UMAD1: variants seen among roughly 807,000 people sequenced by gnomAD.
UMAD1 encodes the protein UBAP1-MVB12-associated (UMA) domain containing 1, also known as UBAP1-MVB12-associated (UMA)-domain containing protein 1.
In UMAD1, 8 loss-of-function variants were observed where a neutral mutation model predicts 6.1. The observed-to-expected ratio is 1.30, with a 90% CI of 0.76 to 2.35. The LOEUF is 2.35. Among genes scored for constraint, UMAD1 ranks in the 30% most tolerant of loss-of-function variants. The pLI, the probability that UMAD1 is intolerant of heterozygous loss-of-function variation, is 0.00. For missense variants in UMAD1, 130 were observed against 78.4 expected, an observed-to-expected ratio of 1.66 and a Z score of -2.49; for synonymous variants, 56 against 31.4, an observed-to-expected ratio of 1.78 and a Z score of -2.61.
In UMAD1 at chr7:7,680,308, A is replaced by G. The variant is rs79250104; in HGVS notation, c.82+6855A>G. On this transcript the variant is annotated intron_variant, in intron 2 of 3. Transcript: ENST00000682710. ...ACTGATTCAAGACTTCCTTTTCCCA[A>G]TGTATATCCTTGGCACCCTTGTTGA... 3.1e-3 allele frequency among the ~76,000 whole-genome samples: 470 copies of G among 152,152 alleles called. 5 individuals are homozygous for G. Among genetic ancestry groups the G allele is most frequent in the African/African-American group, 0.011 (447 of 41,514 alleles).
At chr7:7,710,379 AC>A (rs1458977136) in intron 2 of UMAD1, among the ~76,000 whole-genome samples, 1 of 152,212 alleles carries the variant, frequency 6.6e-6, no homozygotes, top group African/African-American at 2.4e-5. Context: ...AAACAAAAAA[AC>A]ATAAAACCAA....
At chr7:7,868,804 G>A (rs1235450483) in intron 3 of UMAD1, among the ~76,000 whole-genome samples, 1 of 152,160 alleles carries the variant, frequency 6.6e-6, no homozygotes, top group Non-Finnish European at 1.5e-5. Context: ...TTCTGTATCA[G>A]TGACAACATA....
intron 2 of UMAD1, among the ~76,000 whole-genome samples, chr7:7,690,773 G>T (rs1780155396): frequency 1.3e-5 from 2 of 152,130 alleles, no homozygotes; most frequent in African/African-American, 4.8e-5. Context: ...ACCAATTATA[G>T]TGAAAGCATT....
intron 2 of UMAD1, among the ~76,000 whole-genome samples, chr7:7,701,517 G>T (rs960391436): frequency 1.3e-5 from 2 of 152,172 alleles, no homozygotes; most frequent in African/African-American, 4.8e-5. Flanking sequence ...AATCTGTGCT[G>T]CTTTGTGAAG....
At chr7:7,819,486 C>T (rs1326139488) in intron 3 of UMAD1, among the ~76,000 whole-genome samples, 5 of 152,048 alleles carry the variant, frequency 3.3e-5, no homozygotes, top group Admixed American at 3.3e-4. Flanking sequence ...ACGCTGGGAG[C>T]CTGCAGAAAT....
chr7:7,657,487 G>A (rs1296146261), intron 1 of UMAD1, among the ~76,000 whole-genome samples: 2 of 152,126 alleles, frequency 1.3e-5, no homozygotes, highest in African/African-American at 2.4e-5. Flanking sequence ...GTTAATTTTT[G>A]TATAAGGTGT....
chr7:7,770,801 G>A (rs1026593854), intron 2 of UMAD1, among the ~76,000 whole-genome samples: 2 of 152,144 alleles, frequency 1.3e-5, no homozygotes, highest in African/African-American at 2.4e-5. Flanking sequence ...ATGAGTTCAC[G>A]ATCGTCTGGA....
intron 2 of UMAD1, among the ~76,000 whole-genome samples, chr7:7,700,170 T>C (rs1002336304): frequency 1.3e-5 from 2 of 152,142 alleles, no homozygotes; most frequent in Admixed American, 1.3e-4. Flanking sequence ...GATCAAGGCA[T>C]TGGCAAATAG....
At position 7,830,329 on chromosome 7, in the gene UMAD1, C is replaced by G. The variant is rs1783437655; in HGVS notation, c.156+28586C>G. ...GCAGCTGCTCTGGAGGTTAGCCCTG[C>G]CCTTCATTTCCAGCCTAGAATGTGA... On this transcript the variant is annotated intron_variant, in intron 3 of 3. Transcript: ENST00000682710. This position sits in a 1 kb window ranked among gnomAD's most constrained non-coding sequence, Gnocchi z 5.3. 6.6e-6 allele frequency among the ~76,000 whole-genome samples: 1 copy of G among 152,110 alleles called. No individual in the cohort carries two copies. Among genetic ancestry groups the G allele is most frequent in the South Asian group, 2.1e-4 (1 of 4,820 alleles).
Position 7,777,574 on chromosome 7 carries a change from A to AATATATATATATAT in UMAD1, c.83-24081_83-24068dup, listed in dbSNP as rs58039932. On this transcript the variant is annotated intron_variant, in intron 2 of 3. Coordinates refer to ENST00000682710, the MANE Select transcript of UMAD1 (RefSeq NM_001302348.2). ...ATTTATGTCATTTCATACATGAGCA[A>AATATATATATATAT]ATATATATATATATATATATATATA... Among the ~76,000 whole-genome samples, 456 of 113,482 alleles carry AATATATATATATAT rather than the reference A, an allele frequency of 4.0e-3. 12 individuals are homozygous for AATATATATATATAT. The highest frequency in any genetic ancestry group is 0.012 in the African/African-American group (304 of 25,364). The allele number at this position is 113,482 out of a possible 152,430, so 74.4% of individuals were successfully genotyped here.
chr7:7,871,884 A>G (rs1784339028), intron 3 of UMAD1, among the ~76,000 whole-genome samples: 1 of 152,132 alleles, frequency 6.6e-6, no homozygotes, highest in South Asian at 2.1e-4. Context: ...TATGAGGAAT[A>G]AATATTGCTG....
intron 2 of UMAD1, chr7:7,735,869 A>C (rs1781349845): frequency 6.6e-6 from 1 of 152,268 alleles, no homozygotes; most frequent in South Asian, 2.1e-4. Context: ...TTTTTGCTAT[A>C]GGAATTGTGT....
intron 2 of UMAD1, among the ~76,000 whole-genome samples, chr7:7,685,550 G>A: frequency 6.6e-6 from 1 of 151,898 alleles, no homozygotes. Context: ...CTCGTGATCC[G>A]CCCGCCCCTG....
At chr7:7,732,135 C>G (rs867264656) in intron 2 of UMAD1, among the ~76,000 whole-genome samples, 1 of 151,934 alleles carries the variant, frequency 6.6e-6, no homozygotes, top group African/African-American at 2.4e-5. Context: ...ATTTAGTAAG[C>G]AAATGCAATG....
chr7:7,655,835 CTCTT>C (rs1284014299), intron 1 of UMAD1, among the ~76,000 whole-genome samples: 3 of 151,594 alleles, frequency 2.0e-5, no homozygotes, highest in Non-Finnish European at 1.5e-5. Flanking sequence ...CTCTCTCTCT[CTCTT>C]TGTTTTTGTT....
chr7:7,661,916 T>G (rs973865836), intron 1 of UMAD1, among the ~76,000 whole-genome samples: 1 of 152,136 alleles, frequency 6.6e-6, no homozygotes, highest in African/African-American at 2.4e-5. Flanking sequence ...CAGCTGCCCC[T>G]TCCCCCGAGG....
At chr7:7,719,438 C>T (rs181431178) in intron 2 of UMAD1, among the ~76,000 whole-genome samples, 2 of 152,336 alleles carry the variant, frequency 1.3e-5, no homozygotes, top group Admixed American at 6.5e-5. Flanking sequence ...GAGTGTAGTA[C>T]AATAAGCCAG....
chr7:7,784,969 C>T (rs1358259003), intron 2 of UMAD1, among the ~76,000 whole-genome samples: 1 of 152,064 alleles, frequency 6.6e-6, no homozygotes. Context: ...TCACCGTGTC[C>T]TTCCTTCTTA....
chr7:7,794,957 T>C (rs1193014686), intron 2 of UMAD1, among the ~76,000 whole-genome samples: 2 of 152,226 alleles, frequency 1.3e-5, no homozygotes, highest in African/African-American at 4.8e-5. Context: ...CCCTTTTTCT[T>C]AACTCAAGCA....
Sources: allele counts gnomAD v4.1 joint callset (sites outside exome capture counted in the v4.1 genomes callset), GRCh38; gene constraint gnomAD v4.1.1; non-coding constraint Gnocchi (gnomAD v3.1); transcripts MANE v1.5; gene names NCBI Gene and HGNC (gene_info 2026-07-23, HGNC 2026-07-21).